LATS1: variants seen among roughly 807,000 people sequenced by gnomAD.
The protein encoded by LATS1 is large tumor suppressor kinase 1.
LATS1 carries 25 observed loss-of-function variants against 106.6 expected under a neutral mutation model. The ratio of observed to expected loss-of-function variants is 0.23; its 90% CI spans 0.17 to 0.33. The LOEUF (loss-of-function observed/expected upper bound fraction) is 0.33, where lower values mean the gene tolerates loss of function less well. Ranked by LOEUF, LATS1 falls within the 10% of genes least tolerant of loss-of-function variation. The pLI is 1.00. For missense variants in LATS1, 1,040 were observed against 1,382.6 expected (o/e 0.75, Z 3.93); for synonymous variants, 465 against 455.6 (o/e 1.02, Z -0.26).
In LATS1 at chr6:149,662,186, G is replaced by T; in HGVS notation, c.2936C>A (p.Pro979His). 1 of 1,613,342 alleles carries T rather than the reference G, an allele frequency of 6.2e-7. No homozygotes were observed. The highest frequency in any genetic ancestry group is 8.5e-7 in the Non-Finnish European group (1 of 1,179,920). The change falls in exon 8 of 8, where the codon CCT becomes CAT. Residue 979 changes from proline to histidine, a missense_variant. Physicochemically the swap from Pro to His is moderately conservative, Grantham distance 77. Coordinates refer to ENST00000543571, the MANE Select transcript of LATS1 (RefSeq NM_004690.4). ...LHIPPQAKLSPEASDLIIKLC... is the reference protein window; with the variant it reads ...LHIPPQAKLSHEASDLIIKLC... ...TTTAATAATAAGATCAGAAGCTTCA[G>T]GACTGAGTTTAGCTTGTGGTGGAAT...
chr6:149,688,511 T>C (rs1048806437), intron 3 of LATS1, among the ~76,000 whole-genome samples: 3 of 151,932 alleles, frequency 2.0e-5, no homozygotes, highest in African/African-American at 7.2e-5. Flanking sequence ...GGTTTCACTA[T>C]GCTGGCCAGG....
At chr6:149,664,092 G>A (rs953372429) in intron 7 of LATS1, among the ~76,000 whole-genome samples, 1 of 151,506 alleles carries the variant, frequency 6.6e-6, no homozygotes, top group African/African-American at 2.4e-5. Context: ...TTACAGGCGT[G>A]AGTCACTGTG....
Position 149,679,883 on chromosome 6 carries a change from T to C in LATS1, c.2585A>G (p.Tyr862Cys). 6.3e-7 allele frequency: 1 copy of C among 1,583,912 alleles called. No homozygotes were observed. Among genetic ancestry groups the C allele is most frequent in the South Asian group, 1.2e-5 (1 of 86,940 alleles). ...GFRWTHDSKY[Y>C]QSGDHPRQDS... The stretch of plus-strand genomic sequence containing the variant: ...TTTATGAGTTTACTTACCACTCTGA[T>C]AGTACTTAGAATCGTGTGTCCATCT... Residue 862 changes from tyrosine (Y) to cysteine (C), a missense_variant, in exon 5 of 8, where the codon TAT (tyrosine) becomes TGT (cysteine). Coordinates refer to ENST00000543571, the MANE Select transcript of LATS1 (RefSeq NM_004690.4).
chr6:149,709,586 A>AC (rs1330277269), intron 1 of LATS1, among the ~76,000 whole-genome samples: 2 of 151,638 alleles, frequency 1.3e-5, no homozygotes, highest in Admixed American at 1.3e-4. Flanking sequence ...TTTGGTCTCC[A>AC]CAACCCCTTA....
chr6:149,677,642 T>A lies in LATS1; in HGVS notation c.2594-905A>T, dbSNP rs1781795944. ...GCAGCTGGATAGAGAAATTACGAAT[T>A]TCAGAGAAAGGCCATTTCTGGAGAG... On this transcript the variant is annotated intron_variant, in intron 5 of 7. Transcript: ENST00000543571. Among the ~76,000 whole-genome samples, 3 of 152,152 alleles carry A rather than the reference T, an allele frequency of 2.0e-5. No homozygotes were observed. In the South Asian group the frequency reaches 6.2e-4, roughly 32 times the overall value.
At chr6:149,714,672 T>C (rs572421673) in intron 1 of LATS1, among the ~76,000 whole-genome samples, 4 of 152,266 alleles carry the variant, frequency 2.6e-5, no homozygotes, top group African/African-American at 9.6e-5. Context: ...TATTCTTCAA[T>C]ATACCTTAAA....
chr6:149,692,155 C>T lies in LATS1; in HGVS notation c.496+2919G>A, dbSNP rs59865840. On this transcript the variant is annotated intron_variant, in intron 3 of 7. Transcript: ENST00000543571. ...AATAATGTTATTACCCTGCTTGAAA[C>T]ACTTCTATACCTTTCTGCTGCTCTT... Among the ~76,000 whole-genome samples, 1,266 of 152,300 alleles carry T rather than the reference C, an allele frequency of 8.3e-3. 19 individuals carry two copies. The highest frequency in any genetic ancestry group is 0.029 in the African/African-American group (1,219 of 41,548).
At chr6:149,678,273 G>A (rs1462695600) in intron 5 of LATS1, among the ~76,000 whole-genome samples, 1 of 151,642 alleles carries the variant, frequency 6.6e-6, no homozygotes, top group Non-Finnish European at 1.5e-5. Flanking sequence ...GAACCTGGGA[G>A]GCAGAGCTAG....
chr6:149,710,325 G>C (rs1468429558), intron 1 of LATS1, among the ~76,000 whole-genome samples: 1 of 152,176 alleles, frequency 6.6e-6, no homozygotes, highest in African/African-American at 2.4e-5. Context: ...GTCGACACTG[G>C]AAGCGGGGTA....
chr6:149,669,713 C>T (rs1261365705), intron 7 of LATS1, among the ~76,000 whole-genome samples: 3 of 151,660 alleles, frequency 2.0e-5, no homozygotes, highest in Non-Finnish European at 4.4e-5. Flanking sequence ...GAGCTGAGAT[C>T]ACGACCCTGC....
Position 149,683,115 on chromosome 6 carries a change from T to G in LATS1, c.1974A>C (p.Leu658=). 1.2e-6 allele frequency: 2 copies of G among 1,613,418 alleles called. No homozygotes were observed. Among genetic ancestry groups the G allele is most frequent in the Non-Finnish European group, 1.7e-6 (2 of 1,179,688 alleles). ...ENVLKSHQQR[L]HRKKQLENEM... is the part of the protein sequence containing the mutation. ...CATTCTCTAATTGTTTTTTACGATG[T>G]AGACGCTGCTGATGAGATTTGAGTA... The change falls in exon 4 of 8, where the codon CTA becomes CTC. Residue 658 remains leucine (L), a synonymous_variant. Transcript: ENST00000543571.
intron 3 of LATS1, among the ~76,000 whole-genome samples, chr6:149,687,095 AT>A (rs59469526): frequency 3.3e-4 from 48 of 147,242 alleles, no homozygotes; most frequent in Non-Finnish European, 2.7e-4. Flanking sequence ...CAAGATTTTT[AT>A]TTTTTTTTTT....
At position 149,671,673 on chromosome 6, in the gene LATS1, T is replaced by A. The variant is rs151297301; in HGVS notation, c.2883+4587A>T. Among the ~76,000 whole-genome samples, 103 of 152,062 alleles carry A rather than the reference T, an allele frequency of 6.8e-4. 2 individuals are homozygous for A. The highest frequency in any genetic ancestry group is 2.5e-3 in the African/African-American group (103 of 41,360). On this transcript the variant is annotated intron_variant, in intron 7 of 7. Transcript: ENST00000543571. ...AAATCAGGTAGTTGAACCCTCCAAC[T>A]TTTCTTGTTAAAAATCGATTTTGCT...
intron 7 of LATS1, 111 bp from the exon 8 acceptor site, chr6:149,662,349 T>C (rs2114679303): frequency 2.1e-6 from 2 of 946,226 alleles, no homozygotes; most frequent in African/African-American, 3.3e-5. Context: ...TTAAATAAAT[T>C]ACATGATATT....
chr6:149,666,815 G>A (rs1295366339), intron 7 of LATS1, among the ~76,000 whole-genome samples: 3 of 151,546 alleles, frequency 2.0e-5, no homozygotes, highest in South Asian at 4.2e-4. Flanking sequence ...GGTGGTGGGC[G>A]CCTGTAGTCC....
At chr6:149,708,579 T>C (rs573728294) in intron 1 of LATS1, among the ~76,000 whole-genome samples, 2 of 152,272 alleles carry the variant, frequency 1.3e-5, no homozygotes, top group East Asian at 1.9e-4. Context: ...TTTCCCAGAT[T>C]TGGCCAAAGC....
intron 1 of LATS1, among the ~76,000 whole-genome samples, chr6:149,717,338 C>T (rs1784457393): frequency 6.6e-6 from 1 of 152,178 alleles, no homozygotes; most frequent in South Asian, 2.1e-4. Flanking sequence ...TCCATAAAGA[C>T]CTCTCCATCT....
At chr6:149,679,306 C>T (rs1037250185) in intron 5 of LATS1, among the ~76,000 whole-genome samples, 5 of 152,014 alleles carry the variant, frequency 3.3e-5, no homozygotes, top group Admixed American at 1.3e-4. Flanking sequence ...AATCTCAGCA[C>T]TTTGGGTGGC....
intron 2 of LATS1, among the ~76,000 whole-genome samples, chr6:149,698,329 A>G (rs1188007603): frequency 1.3e-5 from 2 of 148,954 alleles, no homozygotes; most frequent in Non-Finnish European, 3.0e-5. Context: ...TTGCGACCCA[A>G]TCTCCTGGGT....
Sources: gnomAD v4.1 joint callset for allele counts (sites outside exome capture counted in the v4.1 genomes callset) on GRCh38, gnomAD v4.1.1 for gene constraint, MANE v1.5 for transcripts, NCBI Gene and HGNC (gene_info 2026-07-23, HGNC 2026-07-21) for gene names.